The following COL6A5 variants were observed in gnomAD, a reference collection of about 807,000 sequenced individuals.
The protein encoded by COL6A5 is collagen alpha-5(VI) chain.
COL6A5 carries 48 observed loss-of-function variants against 65.6 expected under a neutral mutation model. The observed-to-expected ratio is 0.73, with a 90% CI of 0.58 to 0.93. The LOEUF is 0.93. COL6A5 is among the 40% of genes least tolerant of loss of function. COL6A5 has a pLI of 0.00. For missense variants in COL6A5, 914 were observed against 928.3 expected (o/e 0.98, Z 0.20); for synonymous variants, 291 against 322.8 (o/e 0.90, Z 1.05).
intron 1 of COL6A5, among the ~76,000 whole-genome samples, chr3:130,367,192 T>C (rs1935372582): frequency 6.6e-6 from 1 of 152,218 alleles, no homozygotes; most frequent in Admixed American, 6.5e-5. Flanking sequence ...ATTCCTGCCT[T>C]CTGTCCTAAT....
intron 1 of COL6A5, among the ~76,000 whole-genome samples, chr3:130,363,433 G>C (rs1252025939): frequency 6.6e-6 from 1 of 152,152 alleles, no homozygotes; most frequent in Non-Finnish European, 1.5e-5. Context: ...CCCGAGCTAT[G>C]AACTTTACAA....
Position 130,391,770 on chromosome 3 carries a change from T to C in COL6A5, c.2992+16T>C. ...GCACCAGAGGGTAAGTTGTTACTTT[T>C]AAAGTTTCTATGGGGGTAGCAATAA... is the stretch of plus-strand genomic sequence containing the variant. On this transcript the variant is annotated intron_variant and NMD_transcript_variant, in intron 7 of 41. Transcript: ENST00000312481. The C allele has an allele frequency of 6.6e-7, 1 of 1,520,500 alleles. No individual in the cohort carries two copies. Among genetic ancestry groups the C allele is most frequent in the Non-Finnish European group, 8.8e-7 (1 of 1,130,722 alleles). 94.2% of individuals were successfully genotyped at this position (1,520,500 alleles called of 1,614,324 possible).
Position 130,401,745 on chromosome 3 carries a change from TA to T in COL6A5, c.4135-16del. ...CTGACAATTGCTATTCCCTCAGCTTTACTTTTTTTCCCCCAGGGAAATATTG... is the reference window on the plus strand; with the variant it reads ...CTGACAATTGCTATTCCCTCAGCTTTCTTTTTTTCCCCCAGGGAAATATTG... On this transcript the variant is annotated splice_polypyrimidine_tract_variant and intron_variant and NMD_transcript_variant, in intron 11 of 41. Coordinates refer to the COL6A5 transcript ENST00000312481. 1 of 1,537,772 alleles carries T rather than the reference TA, an allele frequency of 6.5e-7. No individual in the cohort carries two copies.
exon 8 of COL6A5, chr3:130,395,312 G>T: frequency 6.4e-7 from 1 of 1,551,446 alleles, no homozygotes; most frequent in South Asian, 1.2e-5. Context: ...TTGTGTCCTG[G>T]TTTTGGGCAT....
In COL6A5 at chr3:130,388,527, A is replaced by G. The variant is rs1374877989; in HGVS notation, c.1862-53A>G. 4.3e-6 allele frequency: 6 copies of G among 1,389,826 alleles called. No homozygotes were observed. The East Asian group carries it at 1.3e-4, about 29-fold the overall frequency. The allele number at this position is 1,389,826 out of a possible 1,614,324, so 86.1% of individuals were successfully genotyped here. A position where few individuals can be genotyped will look rare whatever the true frequency, so the allele number is the denominator to read the frequency against. On this transcript the variant is annotated intron_variant and NMD_transcript_variant, in intron 5 of 41. Coordinates refer to the COL6A5 transcript ENST00000312481. ...TTTGTTTCTGCCTTAATGTTACTTC[A>G]TGAGAACCTTTCCAACCTGGTTATT...
intron 12 of COL6A5, 134 bp from the exon 13 acceptor site, chr3:130,403,475 A>T: frequency 1.4e-6 from 1 of 693,824 alleles, no homozygotes; most frequent in Non-Finnish European, 2.5e-6. Context: ...GATTCTCCCC[A>T]AACTCACGGC....
At chr3:130,433,198 G>A (rs1378574063) in intron 1 of COL6A5, among the ~76,000 whole-genome samples, 1 of 152,024 alleles carries the variant, frequency 6.6e-6, no homozygotes, top group Non-Finnish European at 1.5e-5. Context: ...GTGGTTTTCA[G>A]TTTTTCTTTT....
intron 15 of COL6A5, 39 bp from the exon 16 acceptor site, chr3:130,406,092 C>T (rs767835525): frequency 3.9e-6 from 6 of 1,547,166 alleles, no homozygotes; most frequent in Admixed American, 3.9e-5. Context: ...GTGGCAGAGA[C>T]CTGCTTTTAC....
chr3:130,401,132 AT>A (rs1289056160), exon 11 of COL6A5: 26 of 1,548,970 alleles, frequency 1.7e-5, no homozygotes, highest in Non-Finnish European at 2.1e-5. Flanking sequence ...TCATCTGACT[AT>A]TGGAATGAGA....
chr3:130,452,181 C>T (rs1709458902), intron 4 of COL6A5, among the ~76,000 whole-genome samples: 1 of 152,148 alleles, frequency 6.6e-6, no homozygotes, highest in East Asian at 1.9e-4. Flanking sequence ...GACTACTCAC[C>T]ACTTGTCAGG....
At chr3:130,394,844 T>C in intron 7 of COL6A5, 46 bp from the exon 8 acceptor site, 1 of 1,439,134 alleles carries the variant, frequency 6.9e-7, no homozygotes, top group Admixed American at 2.4e-5. Context: ...AGGAAAAATT[T>C]CGAATGATTC....
chr3:130,472,631 A>G (rs1009242601), intron 7 of COL6A5, among the ~76,000 whole-genome samples: 1 of 151,844 alleles, frequency 6.6e-6, no homozygotes, highest in South Asian at 2.1e-4. Flanking sequence ...ACTTCATTGT[A>G]TATACCCTAT....
intron 13 of COL6A5, among the ~76,000 whole-genome samples, chr3:130,404,524 A>C (rs1936921462): frequency 6.6e-6 from 1 of 152,196 alleles, no homozygotes; most frequent in African/African-American, 2.4e-5. Context: ...TGGCTGACCT[A>C]GTTTACAAAA....
exon 1 of COL6A5, chr3:130,431,868 G>A (rs368788024): frequency 1.0e-5 from 16 of 1,551,420 alleles, no homozygotes; most frequent in South Asian, 4.8e-5. Flanking sequence ...CCATCATCAC[G>A]GCCACCATGG....
At chr3:130,352,679 A>G (rs553414267) in intron 1 of COL6A5, among the ~76,000 whole-genome samples, 1 of 152,348 alleles carries the variant, frequency 6.6e-6, no homozygotes, top group South Asian at 2.1e-4. Context: ...TCTGACAACT[A>G]GTGCATCTCC....
chr3:130,381,770 T>C (rs1261196233), intron 4 of COL6A5, among the ~76,000 whole-genome samples: 1 of 152,126 alleles, frequency 6.6e-6, no homozygotes, highest in Non-Finnish European at 1.5e-5. Context: ...TATTAAAGGC[T>C]AATTTTGAAC....
At chr3:130,386,278 G>C (rs1936183476) in intron 5 of COL6A5, among the ~76,000 whole-genome samples, 1 of 151,978 alleles carries the variant, frequency 6.6e-6, no homozygotes, top group Admixed American at 6.6e-5. Flanking sequence ...CTTGTTTGTA[G>C]GCTTATTGTG....
upstream of COL6A5, chr3:130,429,605 G>T: frequency 6.5e-7 from 1 of 1,541,906 alleles, no homozygotes; most frequent in Non-Finnish European, 8.8e-7. Flanking sequence ...TTACCATGCT[G>T]TTCCCTGCTG....
At chr3:130,352,333 A>T (rs977466557) in intron 1 of COL6A5, among the ~76,000 whole-genome samples, 2 of 152,064 alleles carry the variant, frequency 1.3e-5, no homozygotes, top group African/African-American at 4.8e-5. Context: ...GGAAAATGGC[A>T]AGTGGCAATG....
Sources: gnomAD v4.1 joint callset for allele counts (sites outside exome capture counted in the v4.1 genomes callset) on GRCh38, gnomAD v4.1.1 for gene constraint, MANE v1.5 for transcripts, NCBI Gene and HGNC (gene_info 2026-07-23, HGNC 2026-07-21) for gene names.